The following CLINT1 variants were observed in gnomAD, a reference collection of about 807,000 sequenced individuals.
CLINT1 encodes the protein clathrin interacting protein localized in the trans-Golgi region.
Under a neutral mutation model 70.4 loss-of-function variants are expected in CLINT1, and 15 were observed. The ratio of observed to expected loss-of-function variants is 0.21; its 90% CI spans 0.14 to 0.33. CLINT1 has a LOEUF of 0.33. CLINT1 is among the 10% of genes least tolerant of loss of function. The pLI, the probability that CLINT1 is intolerant of heterozygous loss-of-function variation, is 1.00. For missense variants in CLINT1, 615 were observed against 778.1 expected (o/e 0.79, Z 2.49); for synonymous variants, 227 against 254.7 (o/e 0.89, Z 1.04).
At chr5:157,799,015 A>G (rs1256453582) in intron 8 of CLINT1, among the ~76,000 whole-genome samples, 1 of 152,114 alleles carries the variant, frequency 6.6e-6, no homozygotes, top group Non-Finnish European at 1.5e-5. Flanking sequence ...AAACCCAAAC[A>G]AATGAAAAGT....
chr5:157,787,896 G>T lies in CLINT1; in HGVS notation c.1628C>A (p.Ala543Asp). The T allele has an allele frequency of 6.2e-7, 1 of 1,613,728 alleles. No homozygotes were observed. Among genetic ancestry groups the T allele is most frequent in the Non-Finnish European group, 8.5e-7 (1 of 1,179,762 alleles). ...NMLPVRPQTN[A>D]LIGGPMPMSM... ...CATAGGCATGGGTCCCCCTATCAAA[G>T]CATTAGTTTGGGGCCGGACAGGAAG... Residue 543 changes from alanine to aspartate, a missense_variant, in exon 12 of 12, where the codon GCT (alanine) becomes GAT (aspartate). Physicochemically the swap from Ala to Asp is moderately radical, Grantham distance 126 (BLOSUM62 -2). Around this residue, in one of 2 missense-constraint regions of CLINT1, gnomAD observed 374 missense variants for 409.6 expected, o/e 0.91. Transcript: ENST00000411809.
Position 157,787,976 on chromosome 5 carries a change from C to A in CLINT1, c.1548G>T (p.Met516Ile). 1 of 1,608,586 alleles carries A rather than the reference C, an allele frequency of 6.2e-7. No homozygotes were observed. Among genetic ancestry groups the A allele is most frequent in the South Asian group, 1.1e-5 (1 of 90,190 alleles). The part of the protein sequence containing the change: ...MIQQQNMQQP[M>I]NVMTQSFGAV... The stretch of plus-strand genomic sequence containing the variant: ...CTCCAAAACTTTGAGTCATCACATT[C>A]ATAGGCTGCTGCATATCTACCAGAC... The change falls in exon 12 of 12, where the codon ATG becomes ATT. Residue 516 changes from methionine (M) to isoleucine (I), a missense_variant. This residue lies in a region of CLINT1 where 374 missense variants were observed against 409.6 expected (regional missense o/e 0.91). Transcript: ENST00000411809.
intron 1 of CLINT1, among the ~76,000 whole-genome samples, chr5:157,841,436 C>T (rs1753176497): frequency 6.6e-6 from 1 of 151,816 alleles, no homozygotes. Context: ...CATGGCAGTG[C>T]ACACCTGTAG....
At chr5:157,823,791 A>G in intron 1 of CLINT1, 1 of 700,426 alleles carries the variant, frequency 1.4e-6, no homozygotes, top group Non-Finnish European at 1.8e-6. Flanking sequence ...GGAGTTGCGG[A>G]CCGGCCTGTT....
intron 1 of CLINT1, among the ~76,000 whole-genome samples, chr5:157,858,577 G>A (rs1030858220): frequency 1.3e-5 from 2 of 152,170 alleles, no homozygotes; most frequent in African/African-American, 4.8e-5. Context: ...CAAAGCCCAC[G>A]GCCTGGGGCC....
intron 4 of CLINT1, among the ~76,000 whole-genome samples, chr5:157,813,970 G>A (rs1762636709): frequency 6.6e-6 from 1 of 152,150 alleles, no homozygotes; most frequent in South Asian, 2.1e-4. Context: ...GAACACTCAT[G>A]TTGTGTTGGT....
chr5:157,801,401 G>A (rs1561642051), intron 8 of CLINT1, among the ~76,000 whole-genome samples: 1 of 151,788 alleles, frequency 6.6e-6, no homozygotes, highest in Non-Finnish European at 1.5e-5. Flanking sequence ...CAGCTACTCA[G>A]GAGACTGAGG....
rs547710160 is a variant in CLINT1, at chr5:157,808,050, T to C, written c.695+1578A>G. 3.9e-5 allele frequency among the ~76,000 whole-genome samples: 6 copies of C among 152,240 alleles called. No homozygotes were observed. The South Asian group carries it at 1.2e-3, about 32-fold the overall frequency. ...ACTTTGAATAAATCTATTTTACAAG[T>C]ATATATCTAGCTTTTTTATACTGAA... On this transcript the variant is annotated intron_variant, in intron 6 of 11. Transcript: ENST00000411809.
chr5:157,820,416 C>T (rs1351241193), intron 1 of CLINT1, among the ~76,000 whole-genome samples: 1 of 152,014 alleles, frequency 6.6e-6, no homozygotes, highest in Non-Finnish European at 1.5e-5. Context: ...TCTCCCACTC[C>T]CCTCCCCCAA....
intron 1 of CLINT1, among the ~76,000 whole-genome samples, chr5:157,857,676 G>C (rs534197763): frequency 1.3e-5 from 2 of 152,234 alleles, no homozygotes; most frequent in East Asian, 3.9e-4. Context: ...AGAAAACTAG[G>C]GCACTGTGAG....
rs761281877 is a variant in CLINT1, at chr5:157,788,005, AACAG to A, written c.1532-17_1532-14del. ...GGCTGCTGCATATCTACCAGACGAAAACAGACAGAAGAACTTTACCACAATAAAT... is the reference window on the plus strand; with the variant it reads ...GGCTGCTGCATATCTACCAGACGAAAACAGAAGAACTTTACCACAATAAAT... On this transcript the variant is annotated splice_polypyrimidine_tract_variant and intron_variant, in intron 11 of 11. Transcript: ENST00000411809. The A allele has an allele frequency of 1.9e-5, 30 of 1,582,192 alleles. No homozygotes were observed. The South Asian group carries it at 3.2e-4, about 17-fold the overall frequency.
intron 9 of CLINT1, among the ~76,000 whole-genome samples, chr5:157,794,612 C>T (rs1328980709): frequency 1.3e-5 from 2 of 152,094 alleles, no homozygotes; most frequent in African/African-American, 2.4e-5. Flanking sequence ...TGAGATGATA[C>T]AGAGATACTC....
intron 1 of CLINT1, 125 bp downstream of exon 1, chr5:157,858,805 C>T: frequency 9.6e-7 from 1 of 1,044,146 alleles, no homozygotes; most frequent in Non-Finnish European, 1.4e-6. Flanking sequence ...AGCGGGCCGC[C>T]GCCATGATGG....
At chr5:157,826,631 C>T (rs1188528105) in intron 1 of CLINT1, among the ~76,000 whole-genome samples, 1 of 114,756 alleles carries the variant, frequency 8.7e-6, no homozygotes, top group African/African-American at 2.8e-5. Flanking sequence ...TGTTTCCATA[C>T]ATGCATGTGA....
chr5:157,830,586 A>T (rs1763189104), intron 1 of CLINT1, among the ~76,000 whole-genome samples: 1 of 151,986 alleles, frequency 6.6e-6, no homozygotes, highest in Non-Finnish European at 1.5e-5. Flanking sequence ...TTTAAACAAA[A>T]TACCTAAGGG....
At chr5:157,841,765 C>T (rs1221570755) in intron 1 of CLINT1, among the ~76,000 whole-genome samples, 2 of 152,120 alleles carry the variant, frequency 1.3e-5, no homozygotes, top group South Asian at 4.1e-4. Flanking sequence ...GGACTATAGG[C>T]GTGCATCATC....
chr5:157,791,257 A>C (rs1761893952), intron 10 of CLINT1, among the ~76,000 whole-genome samples: 1 of 152,062 alleles, frequency 6.6e-6, no homozygotes. Flanking sequence ...ACTGGGTTTC[A>C]CCGTGTTAGC....
At chr5:157,848,609 T>C (rs551999474) in intron 1 of CLINT1, among the ~76,000 whole-genome samples, 84 of 150,750 alleles carry the variant, frequency 5.6e-4, no homozygotes, top group African/African-American at 2.0e-3. Context: ...GTTCAAGTGA[T>C]TCTCGTGCCT....
intron 1 of CLINT1, among the ~76,000 whole-genome samples, chr5:157,830,796 C>CTCTCTATATATATATA (rs1300619885): frequency 1.2e-5 from 1 of 85,720 alleles, no homozygotes; most frequent in African/African-American, 5.1e-5. Flanking sequence ...CTCTCTCTCT[C>CTCTCTATATATATATA]TATATATATA....
Sources: allele counts gnomAD v4.1 joint callset (sites outside exome capture counted in the v4.1 genomes callset), GRCh38; gene constraint gnomAD v4.1.1; regional missense constraint gnomAD v4.1.1; transcripts MANE v1.5; gene names NCBI Gene and HGNC (gene_info 2026-07-23, HGNC 2026-07-21).